The following KIF1B variants were observed in gnomAD, a reference collection of about 807,000 sequenced individuals.
KIF1B encodes the protein kinesin family member 1B.
In KIF1B, 76 loss-of-function variants were observed where a neutral mutation model predicts 241.9. That is an observed-to-expected ratio of 0.31 (90% CI 0.26 to 0.38). The LOEUF is 0.38. Ranked by LOEUF, KIF1B falls within the 10% of genes least tolerant of loss-of-function variation. KIF1B has a pLI of 1.00. For synonymous variants in KIF1B, 750 were observed against 796.7 expected, an observed-to-expected ratio of 0.94 and a Z score of 0.99; for missense variants, 1,622 against 2,271.4, an observed-to-expected ratio of 0.71 and a Z score of 5.81.
chr1:10,239,680 T>C (rs1361065151), intron 2 of KIF1B, among the ~76,000 whole-genome samples: 1 of 152,150 alleles, frequency 6.6e-6, no homozygotes, highest in Non-Finnish European at 1.5e-5. Context: ...CAGTCTCGGC[T>C]CACTGCAACC....
intron 2 of KIF1B, 113 bp from the exon 3 acceptor site, chr1:10,256,134 G>T: frequency 1.3e-6 from 1 of 746,434 alleles, no homozygotes; most frequent in Non-Finnish European, 2.4e-6. Context: ...GCCCTATTCA[G>T]ATTTAGTGGT....
In KIF1B at chr1:10,296,800, AAGCTGTC is replaced by A. The variant is rs1650286388; in HGVS notation, c.1862-96_1862-90del. On this transcript the variant is annotated intron_variant, in intron 20 of 48. Transcript: ENST00000676179. ...GTTCTTGTAAAAACAACAGCTCTGAAAGCTGTCTTTTCACATTAGGGAGGGGTGAGGT... is the reference window on the plus strand; with the variant it reads ...GTTCTTGTAAAAACAACAGCTCTGAATTTTCACATTAGGGAGGGGTGAGGT... 2 of 1,377,664 alleles carry A rather than the reference AAGCTGTC, an allele frequency of 1.5e-6. 1 individual carries two copies. Among genetic ancestry groups the A allele is most frequent in the Admixed American group, 3.7e-5 (2 of 53,344 alleles). 85.3% of individuals were successfully genotyped at this position (1,377,664 alleles called of 1,614,324 possible).
At chr1:10,307,065 G>C in intron 22 of KIF1B, 1 of 1,038,460 alleles carries the variant, frequency 9.6e-7, no homozygotes. Flanking sequence ...TTAATCCCAG[G>C]TGTCCTCATG....
chr1:10,238,959 GT>G lies in KIF1B; in HGVS notation c.106+6532del, dbSNP rs1330918120. 3.3e-5 allele frequency among the ~76,000 whole-genome samples: 5 copies of G among 151,800 alleles called. No homozygotes were observed. In the South Asian group the frequency reaches 1.0e-3, roughly 32 times the overall value. ...TTTTCTTTCAGTTTTTTTGTTTTTG[GT>G]TTTTTTGAGACAGGGTCTCACTCTG... is the stretch of plus-strand genomic sequence containing the variant. On this transcript the variant is annotated intron_variant, in intron 2 of 48. Coordinates refer to ENST00000676179, the MANE Select transcript of KIF1B (RefSeq NM_001365951.3).
In KIF1B at chr1:10,365,607, A is replaced by C. The variant is rs766977555; in HGVS notation, c.4711A>C (p.Ile1571Leu). Residue 1571 changes from isoleucine to leucine, a missense_variant, in exon 43 of 49, where the codon ATC (isoleucine) becomes CTC (leucine). Transcript: ENST00000676179. The surrounding 1 kb of genome is among the most constrained non-coding windows in gnomAD (Gnocchi z 4.0). Reference protein sequence around the residue: ...SESSGYDSGDIESLVDREKEL... With the variant: ...SESSGYDSGDLESLVDREKEL... ...GAGCAGTGGCTATGATTCAGGAGAC[A>C]TCGAAAGCCTGGTGGACCGAGAGAA... 1.8e-5 allele frequency: 29 copies of C among 1,614,040 alleles called. No individual in the cohort carries two copies. Among genetic ancestry groups the C allele is most frequent in the Non-Finnish European group, 2.5e-5 (29 of 1,180,038 alleles).
In KIF1B at chr1:10,365,770, T is replaced by C; in HGVS notation, c.4752+122T>C. On this transcript the variant is annotated intron_variant, in intron 43 of 48. Transcript: ENST00000676179. The surrounding 1 kb of genome is among the most constrained non-coding windows in gnomAD (Gnocchi z 4.0). ...TGAAGGCCTGTGATAATACTGTGAATGTAGAAATAAAAAGACGCAGTTCCT... is the reference window on the plus strand; with the variant it reads ...TGAAGGCCTGTGATAATACTGTGAACGTAGAAATAAAAAGACGCAGTTCCT... The C allele has an allele frequency of 5.0e-6, 7 of 1,393,902 alleles. No individual in the cohort carries two copies. The highest frequency in any genetic ancestry group is 1.2e-5 in the South Asian group (1 of 84,418). The allele number at this position is 1,393,902 out of a possible 1,614,324, so 86.3% of individuals were successfully genotyped here.
chr1:10,229,188 G>T (rs1199392869), intron 1 of KIF1B, among the ~76,000 whole-genome samples: 1 of 152,054 alleles, frequency 6.6e-6, no homozygotes, highest in African/African-American at 2.4e-5. Flanking sequence ...TTTGATACAT[G>T]TGATCATAAA....
chr1:10,333,584 C>T (rs920501141), intron 27 of KIF1B, among the ~76,000 whole-genome samples: 8 of 151,716 alleles, frequency 5.3e-5, no homozygotes, highest in Non-Finnish European at 7.4e-5. Flanking sequence ...CCCAGGTACT[C>T]GGGAGGCTGA....
At chr1:10,375,738 C>T (rs1000404416) in intron 48 of KIF1B, among the ~76,000 whole-genome samples, 4 of 149,368 alleles carry the variant, frequency 2.7e-5, no homozygotes, top group African/African-American at 9.9e-5. Flanking sequence ...TCAGGAATAT[C>T]AGGATAAATA....
Position 10,339,811 on chromosome 1 carries a change from C to G in KIF1B, c.3465C>G (p.Leu1155=). The change falls in exon 32 of 49, where the codon CTC becomes CTG. Residue 1155 remains leucine, a synonymous_variant. Coordinates refer to ENST00000676179, the MANE Select transcript of KIF1B (RefSeq NM_001365951.3). ...RHDEAFSTEP[L]KNNGRGSPLA... ...ATGAAGCATTCTCCACGGAGCCCCT[C>G]AAAAACAATGGCAGAGGAAGTCCCC... 6.2e-7 allele frequency: 1 copy of G among 1,614,120 alleles called. No homozygotes were observed.
intron 22 of KIF1B, chr1:10,304,415 G>T (rs754676519): frequency 6.2e-7 from 1 of 1,614,076 alleles, no homozygotes; most frequent in East Asian, 2.2e-5. Flanking sequence ...AACTCCCACA[G>T]TGGTCACCCC....
intron 1 of KIF1B, among the ~76,000 whole-genome samples, chr1:10,213,993 G>T (rs1334134309): frequency 2.6e-5 from 4 of 151,930 alleles, no homozygotes; most frequent in African/African-American, 9.7e-5. Context: ...AAAAAATCTG[G>T]ATGTGGGTGG....
chr1:10,250,928 C>CGA (rs2102170373), intron 2 of KIF1B, among the ~76,000 whole-genome samples: 2 of 152,090 alleles, frequency 1.3e-5, no homozygotes, highest in East Asian at 3.9e-4. Flanking sequence ...TTTGGGATGC[C>CGA]GAGGCGGGTG....
intron 38 of KIF1B, among the ~76,000 whole-genome samples, chr1:10,360,706 C>T (rs1212163155): frequency 6.8e-6 from 1 of 147,676 alleles, no homozygotes; most frequent in Admixed American, 6.8e-5. Flanking sequence ...AAAAAAAGCA[C>T]AACTAAGTGT....
chr1:10,372,886 T>C (rs1638784799), intron 45 of KIF1B, among the ~76,000 whole-genome samples: 2 of 151,790 alleles, frequency 1.3e-5, no homozygotes, highest in Non-Finnish European at 2.9e-5. Flanking sequence ...CAATCTTGGC[T>C]CACTGCAACC....
At chr1:10,251,326 CCTTT>C (rs1204705828) in intron 2 of KIF1B, among the ~76,000 whole-genome samples, 7 of 116,764 alleles carry the variant, frequency 6.0e-5, no homozygotes, top group South Asian at 2.6e-4. Flanking sequence ...TGTAGTTTTT[CCTTT>C]CTTTTTTTTT....
intron 36 of KIF1B, 89 bp downstream of exon 36, chr1:10,347,916 C>T: frequency 8.6e-7 from 1 of 1,169,200 alleles, no homozygotes; most frequent in Non-Finnish European, 1.3e-6. Flanking sequence ...TCTCTGTTTT[C>T]ATCTCTATTT....
intron 2 of KIF1B, among the ~76,000 whole-genome samples, chr1:10,244,442 GTAGC>G (rs955630145): frequency 4.0e-5 from 6 of 150,316 alleles, no homozygotes; most frequent in Non-Finnish European, 8.9e-5. Flanking sequence ...AGCCTACCAA[GTAGC>G]TAGGCTTACA....
intron 22 of KIF1B, among the ~76,000 whole-genome samples, chr1:10,309,914 T>A (rs1367671257): frequency 6.6e-6 from 1 of 151,348 alleles, no homozygotes; most frequent in Non-Finnish European, 1.5e-5. Context: ...GTTCCTTGTA[T>A]ATGCCAAGTT....
Sources: gnomAD v4.1 joint callset for allele counts (sites outside exome capture counted in the v4.1 genomes callset) on GRCh38, gnomAD v4.1.1 for gene constraint, Gnocchi (gnomAD v3.1) non-coding constraint, MANE v1.5 for transcripts, NCBI Gene and HGNC (gene_info 2026-07-23, HGNC 2026-07-21) for gene names.